The following MED8 variants were observed in gnomAD, a reference collection of about 807,000 sequenced individuals.
MED8 encodes the protein mediator complex subunit 8, also known as mediator of RNA polymerase II transcription subunit 8.
MED8 carries 22 observed loss-of-function variants against 34.8 expected under a neutral mutation model. The observed-to-expected ratio is 0.63, with a 90% CI of 0.45 to 0.90. The LOEUF (loss-of-function observed/expected upper bound fraction) is 0.90, where lower values mean the gene tolerates loss of function less well. Among genes scored for constraint, MED8 ranks in the 40% least tolerant of loss-of-function variants. The pLI, the probability that MED8 is intolerant of heterozygous loss-of-function variation, is 0.00. For missense variants in MED8, 260 were observed against 326.3 expected (o/e 0.80, Z 1.57); for synonymous variants, 105 against 120.2 (o/e 0.87, Z 0.83).
chr1:43,384,796 C>T lies in MED8; in HGVS notation c.*246G>A. 1 of 1,400,712 alleles carries T rather than the reference C, an allele frequency of 7.1e-7. No individual in the cohort carries two copies. The allele number at this position is 1,400,712 out of a possible 1,614,324, so 86.8% of individuals were successfully genotyped here. A position where few individuals can be genotyped will look rare whatever the true frequency, so the allele number is the denominator to read the frequency against. ...ACTAAGTGCTTTACATTCATTTCCT[C>T]ATTTTAATCCTCACAACAACCCTAT... On this transcript the variant is annotated 3_prime_UTR_variant, in exon 7 of 7. Coordinates refer to ENST00000372457, the MANE Select transcript of MED8 (RefSeq NM_201542.5).
chr1:43,389,671 C>T (rs1347226144), intron 1 of MED8, 88 bp downstream of exon 1: 2 of 1,567,810 alleles, frequency 1.3e-6, no homozygotes, highest in Middle Eastern at 1.7e-4. Flanking sequence ...TCTTCTCAGT[C>T]CCAACTCTTC....
chr1:43,384,339 G>T lies in MED8; in HGVS notation c.*703C>A. Reference sequence around the variant, plus strand: ...CCTGCCTGGCAGAGCCACTTCCTGAGAAAGCCTCGTGTGTATAAGGTGGGG... The same window carrying T: ...CCTGCCTGGCAGAGCCACTTCCTGATAAAGCCTCGTGTGTATAAGGTGGGG... On this transcript the variant is annotated 3_prime_UTR_variant, in exon 7 of 7. Coordinates refer to ENST00000372457, the MANE Select transcript of MED8 (RefSeq NM_201542.5). The T allele has an allele frequency of 7.3e-7, 1 of 1,371,032 alleles. No homozygotes were observed. Among genetic ancestry groups the T allele is most frequent in the Non-Finnish European group, 9.7e-7 (1 of 1,035,328 alleles). The allele number at this position is 1,371,032 out of a possible 1,614,324, so 84.9% of individuals were successfully genotyped here.
intron 3 of MED8, 124 bp from the exon 4 acceptor site, chr1:43,387,122 A>G: frequency 7.8e-7 from 1 of 1,289,234 alleles, no homozygotes; most frequent in Non-Finnish European, 1.1e-6. Flanking sequence ...GAGACATAAT[A>G]TCTAGTTTGC....
Position 43,388,306 on chromosome 1 carries a change from T to A in MED8, c.125+4A>T. The A allele has an allele frequency of 6.2e-7, 1 of 1,612,930 alleles. No homozygotes were observed. Among genetic ancestry groups the A allele is most frequent in the Non-Finnish European group, 8.5e-7 (1 of 1,179,854 alleles). On this transcript the variant is annotated splice_donor_region_variant and intron_variant, in intron 2 of 6. Coordinates refer to ENST00000372457, the MANE Select transcript of MED8 (RefSeq NM_201542.5). ...CCTTCCTAGCTTGCCCTGGTAACTC[T>A]TACCAGGTCAGCCGGCCATACTCGT... is the stretch of plus-strand genomic sequence containing the variant.
Position 43,387,015 on chromosome 1 carries a change from T to A in MED8, c.271-17A>T. The A allele has an allele frequency of 7.4e-6, 12 of 1,613,564 alleles. No individual in the cohort carries two copies. The highest frequency in any genetic ancestry group is 1.0e-5 in the Non-Finnish European group (12 of 1,179,604). The stretch of plus-strand genomic sequence containing the variant: ...AGTCTGCCGCTGTAACACACAGATT[T>A]TATTGATCCTACTCTGTACTCCAAG... On this transcript the variant is annotated splice_polypyrimidine_tract_variant and intron_variant, in intron 3 of 6. Coordinates refer to ENST00000372457, the MANE Select transcript of MED8 (RefSeq NM_201542.5).
intron 6 of MED8, 125 bp downstream of exon 6, chr1:43,385,853 G>T: frequency 1.4e-6 from 2 of 1,402,708 alleles, no homozygotes; most frequent in Non-Finnish European, 1.9e-6. Context: ...TATTTCCTGG[G>T]TCACAGTGAA....
intron 2 of MED8, 152 bp from the exon 3 acceptor site, chr1:43,387,799 G>A (rs1225861198): frequency 1.3e-6 from 1 of 759,486 alleles, no homozygotes; most frequent in East Asian, 2.5e-5. Context: ...CAGACTAACA[G>A]GGATGACAGG....
At chr1:43,387,083 A>C (rs1647760445) in intron 3 of MED8, 85 bp from the exon 4 acceptor site, 1 of 1,539,952 alleles carries the variant, frequency 6.5e-7, no homozygotes, top group Admixed American at 1.9e-5. Context: ...CCACAGGCAA[A>C]CAGTGCATTT....
intron 6 of MED8, chr1:43,385,379 G>A (rs1647692676): frequency 2.4e-6 from 1 of 420,146 alleles, no homozygotes; most frequent in Non-Finnish European, 4.3e-6. Context: ...TAACGTCACA[G>A]GTAAAAGAGT....
intron 2 of MED8, 21 bp downstream of exon 2, chr1:43,388,289 G>A (rs779647413): frequency 1.1e-5 from 17 of 1,611,304 alleles, no homozygotes; most frequent in Non-Finnish European, 1.4e-5. Flanking sequence ...GCCCTTCCTA[G>A]CTTGCCCTGG....
At chr1:43,389,629 A>C in intron 1 of MED8, 130 bp downstream of exon 1, 1 of 1,400,634 alleles carries the variant, frequency 7.1e-7, no homozygotes, top group Non-Finnish European at 9.6e-7. Flanking sequence ...CCCCCAGCCC[A>C]CATTCCCTTA....
intron 1 of MED8, chr1:43,388,758 G>A (rs563681849): frequency 4.3e-6 from 1 of 232,020 alleles, no homozygotes; most frequent in African/African-American, 2.2e-5. Context: ...AATGCCAGGA[G>A]ATCATTCTCT....
intron 6 of MED8, 71 bp from the exon 7 acceptor site, chr1:43,385,177 T>G: frequency 6.5e-7 from 1 of 1,529,942 alleles, no homozygotes; most frequent in South Asian, 1.2e-5. Context: ...ATGTGGTACC[T>G]CAGGTTCCCT....
chr1:43,386,769 A>C lies in MED8; in HGVS notation c.411+89T>G. ...GCCAGAAGCAACTTAGGCGCAACCA[A>C]CTATGTATCCCTACTAGACAGGAAT... On this transcript the variant is annotated intron_variant, in intron 4 of 6. Transcript: ENST00000372457. This position sits in a 1 kb window ranked among gnomAD's most constrained non-coding sequence, Gnocchi z 4.9. The C allele has an allele frequency of 1.2e-6, 2 of 1,601,700 alleles. No individual in the cohort carries two copies. Among genetic ancestry groups the C allele is most frequent in the Non-Finnish European group, 1.7e-6 (2 of 1,173,028 alleles).
rs1428122500 is a variant in MED8, at chr1:43,387,650, G to A, written c.126-3C>T. On this transcript the variant is annotated splice_polypyrimidine_tract_variant and splice_region_variant and intron_variant, in intron 2 of 6. Transcript: ENST00000372457. ...CAAAGCTGTCCAGGACAGATGGCCTGGTGGTGGTAACAAGGTGTAAGAATG... is the reference window on the plus strand; with the variant it reads ...CAAAGCTGTCCAGGACAGATGGCCTAGTGGTGGTAACAAGGTGTAAGAATG... 6.2e-7 allele frequency: 1 copy of A among 1,613,880 alleles called. No homozygotes were observed. Among genetic ancestry groups the A allele is most frequent in the Non-Finnish European group, 8.5e-7 (1 of 1,179,838 alleles).
At position 43,386,940 on chromosome 1, in the gene MED8, C is replaced by T; in HGVS notation, c.329G>A (p.Arg110Lys). 1 of 1,614,004 alleles carries T rather than the reference C, an allele frequency of 6.2e-7. No homozygotes were observed. Among genetic ancestry groups the T allele is most frequent in the Non-Finnish European group, 8.5e-7 (1 of 1,179,900 alleles). ...FSHEVVPDHL[R>K]TKPDPEVEEQ... is the part of the protein sequence containing the mutation. ...TTCCACTTCAGGGTCAGGCTTGGTT[C>T]TCAGATGGTCAGGGACTACCTCATG... Residue 110 changes from arginine (R) to lysine (K), a missense_variant, in exon 4 of 7, where the codon AGA (arginine) becomes AAA (lysine). By Grantham distance (26) the Arg-to-Lys change is conservative. Coordinates refer to ENST00000372457, the MANE Select transcript of MED8 (RefSeq NM_201542.5). The surrounding 1 kb of genome is among the most constrained non-coding windows in gnomAD (Gnocchi z 4.9).
In MED8 at chr1:43,388,329, C is replaced by T. The variant is rs774806535; in HGVS notation, c.106G>A (p.Glu36Lys). The change falls in exon 2 of 7, where the codon GAG becomes AAG. Residue 36 changes from glutamate (E) to lysine (K), a missense_variant. Glu to Lys is a moderately conservative substitution (Grantham distance 56, BLOSUM62 1). Transcript: ENST00000372457. ...LGSFICKLEN[E>K]YGRLTWPSVL... ...TCTTACCAGGTCAGCCGGCCATACT[C>T]GTTCTCCAACTTGCAAATGAAACTC... is the stretch of plus-strand genomic sequence containing the variant. 10 of 1,613,468 alleles carry T rather than the reference C, an allele frequency of 6.2e-6. No individual in the cohort carries two copies. In the East Asian group the frequency reaches 1.6e-4, roughly 25 times the overall value.
At position 43,386,295 on chromosome 1, in the gene MED8, C is replaced by A; in HGVS notation, c.494-69G>T. 1 of 1,552,976 alleles carries A rather than the reference C, an allele frequency of 6.4e-7. No individual in the cohort carries two copies. ...AGGACTGAACGTGGCAGCTGGAAGACCAGTATGAGTGCCAGGGTTTGGAGT... is the reference window on the plus strand; with the variant it reads ...AGGACTGAACGTGGCAGCTGGAAGAACAGTATGAGTGCCAGGGTTTGGAGT... On this transcript the variant is annotated intron_variant, in intron 5 of 6. Coordinates refer to ENST00000372457, the MANE Select transcript of MED8 (RefSeq NM_201542.5). This position sits in a 1 kb window ranked among gnomAD's most constrained non-coding sequence, Gnocchi z 4.9.
rs1313373532 is a variant in MED8, at chr1:43,384,894, C to T, written c.*148G>A. ...ATTAGGTCACTTGTCCAAGGTCACA[C>T]AGCTAGTCAGTGGTGGAAGTGGGAT... On this transcript the variant is annotated 3_prime_UTR_variant, in exon 7 of 7. Transcript: ENST00000372457. 2.8e-6 allele frequency: 4 copies of T among 1,428,844 alleles called. No homozygotes were observed. Among genetic ancestry groups the T allele is most frequent in the Non-Finnish European group, 3.7e-6 (4 of 1,088,632 alleles). 88.5% of individuals were successfully genotyped at this position (1,428,844 alleles called of 1,614,324 possible).
Sources: allele counts gnomAD v4.1 joint callset, GRCh38; gene constraint gnomAD v4.1.1; non-coding constraint Gnocchi (gnomAD v3.1); transcripts MANE v1.5; gene names NCBI Gene and HGNC (gene_info 2026-07-23, HGNC 2026-07-21).